Variants in DLGAP4 observed in about 807,000 individuals in gnomAD.
DLGAP4 encodes DLG associated protein 4.
A neutral mutation model predicts 86.9 loss-of-function variants in DLGAP4; 18 were observed. That is an observed-to-expected ratio of 0.21 (90% CI 0.14 to 0.31). The LOEUF (loss-of-function observed/expected upper bound fraction) is 0.31, where lower values mean the gene tolerates loss of function less well. DLGAP4 is among the 10% of genes least tolerant of loss of function. DLGAP4 has a pLI of 1.00. For missense variants in DLGAP4, 1,085 were observed against 1,362.6 expected, an observed-to-expected ratio of 0.80 and a Z score of 3.21; for synonymous variants, 548 against 574.3, an observed-to-expected ratio of 0.95 and a Z score of 0.65.
At chr20:36,443,509 G>A (rs6090910) in intron 6 of DLGAP4, among the ~76,000 whole-genome samples, 1,633 of 152,240 alleles carry the variant, frequency 0.011, 30 homozygotes, top group African/African-American at 0.038. Context: ...GATTCCAGCC[G>A]TGGATGCCCC....
intron 10 of DLGAP4, among the ~76,000 whole-genome samples, chr20:36,505,112 T>C (rs1341523797): frequency 6.6e-6 from 1 of 152,148 alleles, no homozygotes; most frequent in Admixed American, 6.5e-5. Flanking sequence ...CTCAGCCTCC[T>C]GAGTAGCTGG....
At chr20:36,356,126 G>C (rs1482903514) in intron 1 of DLGAP4, among the ~76,000 whole-genome samples, 1 of 152,250 alleles carries the variant, frequency 6.6e-6, no homozygotes, top group Non-Finnish European at 1.5e-5. Context: ...CAGACACCCT[G>C]TGTGCATTAG....
chr20:36,339,627 C>T (rs372132606), intron 1 of DLGAP4, among the ~76,000 whole-genome samples: 1 of 152,250 alleles, frequency 6.6e-6, no homozygotes, highest in South Asian at 2.1e-4. Flanking sequence ...GGACTGCAGG[C>T]CTGAGCCATG....
intron 7 of DLGAP4, among the ~76,000 whole-genome samples, chr20:36,460,629 A>G (rs1184295798): frequency 2.3e-4 from 35 of 152,230 alleles, no homozygotes; most frequent in Non-Finnish European, 2.9e-5. Flanking sequence ...TGGCAGACCT[A>G]CCACAGGTGC....
At chr20:36,478,320 C>T (rs567427730) in intron 7 of DLGAP4, among the ~76,000 whole-genome samples, 1 of 152,218 alleles carries the variant, frequency 6.6e-6, no homozygotes, top group African/African-American at 2.4e-5. Context: ...GAATCTGTGC[C>T]CTCCCTAATC....
chr20:36,417,129 A>G (rs987291446), intron 2 of DLGAP4, among the ~76,000 whole-genome samples: 4 of 152,086 alleles, frequency 2.6e-5, no homozygotes, highest in Non-Finnish European at 5.9e-5. Context: ...GTGTTGAGAG[A>G]ACGCAGTGGG....
chr20:36,312,231 G>A (rs1427068330), intron 1 of DLGAP4, among the ~76,000 whole-genome samples: 2 of 152,338 alleles, frequency 1.3e-5, no homozygotes, highest in East Asian at 1.9e-4. Flanking sequence ...CACGGGGCAC[G>A]TGGAGTGATA....
At chr20:36,310,226 AAGAAAGAAAGAAAGAAAAGAAAAG>A (rs2065042132) in intron 1 of DLGAP4, among the ~76,000 whole-genome samples, 2 of 46,908 alleles carry the variant, frequency 4.3e-5, no homozygotes, top group African/African-American at 1.2e-4. Flanking sequence ...GAAAGAAAGA[AAGAAAGAAAGAAAGAAAAGAAAAG>A]AATTGCATGG....
intron 1 of DLGAP4, among the ~76,000 whole-genome samples, chr20:36,322,687 C>A (rs577480361): frequency 9.9e-5 from 15 of 152,222 alleles, no homozygotes; most frequent in African/African-American, 3.6e-4. Flanking sequence ...TCACATTAGT[C>A]CTGCTCATCT....
At chr20:36,518,076 TG>T (rs1355432573) in intron 10 of DLGAP4, among the ~76,000 whole-genome samples, 2 of 152,062 alleles carry the variant, frequency 1.3e-5, no homozygotes, top group Non-Finnish European at 2.9e-5. Flanking sequence ...AAAAATTAGC[TG>T]GGCATGATGG....
At chr20:36,360,456 CA>C (rs2030479233) in intron 1 of DLGAP4, among the ~76,000 whole-genome samples, 1 of 152,330 alleles carries the variant, frequency 6.6e-6, no homozygotes, top group East Asian at 1.9e-4. Context: ...TGGTCCCCTC[CA>C]GCCTCTGCAG....
rs550824752 is a variant in DLGAP4, at chr20:36,308,227, G to A, written c.-304+1715G>A. Reference sequence around the variant, plus strand: ...CAACTCAACTTCTGGGAGTGTGCCCGTGTGTGGTGTCCATGGCGACCCCGT... The same window carrying A: ...CAACTCAACTTCTGGGAGTGTGCCCATGTGTGGTGTCCATGGCGACCCCGT... On this transcript the variant is annotated intron_variant, in intron 1 of 12. Coordinates refer to ENST00000339266, the MANE Select transcript of DLGAP4 (RefSeq NM_001365621.2). This position sits in a 1 kb window ranked among gnomAD's most constrained non-coding sequence, Gnocchi z 4.5. Among the ~76,000 whole-genome samples, 3 of 152,328 alleles carry A rather than the reference G, an allele frequency of 2.0e-5. No homozygotes were observed. The highest frequency in any genetic ancestry group is 1.9e-4 in the East Asian group (1 of 5,178).
At position 36,500,701 on chromosome 20, in the gene DLGAP4, T is replaced by G. The variant is rs931672869; in HGVS notation, c.2512+90T>G. 2 of 1,288,478 alleles carry G rather than the reference T, an allele frequency of 1.6e-6. No homozygotes were observed. Among genetic ancestry groups the G allele is most frequent in the Non-Finnish European group, 2.0e-6 (2 of 981,170 alleles). 79.8% of individuals were successfully genotyped at this position (1,288,478 alleles called of 1,614,324 possible). A position where few individuals can be genotyped will look rare whatever the true frequency, so the allele number is the denominator to read the frequency against. ...GGCCAGCAGCTTCCGAACTTCTGAG[T>G]GGGGGTCTCTTAGGTTCTCTTCTTG... On this transcript the variant is annotated intron_variant, in intron 10 of 12. Coordinates refer to ENST00000339266, the MANE Select transcript of DLGAP4 (RefSeq NM_001365621.2). This position sits in a 1 kb window ranked among gnomAD's most constrained non-coding sequence, Gnocchi z 4.6.
chr20:36,408,094 C>T (rs973226617), intron 2 of DLGAP4, among the ~76,000 whole-genome samples: 2 of 151,662 alleles, frequency 1.3e-5, no homozygotes, highest in Non-Finnish European at 2.9e-5. Context: ...GAAGGAGACA[C>T]GGGGATCTGG....
At chr20:36,327,936 C>T (rs539818366) in intron 1 of DLGAP4, among the ~76,000 whole-genome samples, 47 of 149,972 alleles carry the variant, frequency 3.1e-4, no homozygotes, top group Admixed American at 1.4e-3. Context: ...CAGTGGCTCA[C>T]GCCTGTAATC....
At chr20:36,385,626 G>A (rs2031568074) in intron 2 of DLGAP4, among the ~76,000 whole-genome samples, 1 of 152,204 alleles carries the variant, frequency 6.6e-6, no homozygotes, top group Non-Finnish European at 1.5e-5. Flanking sequence ...CCAGAGCCAA[G>A]CATCCTTGTG....
At chr20:36,315,291 G>A (rs2065088433) in intron 1 of DLGAP4, among the ~76,000 whole-genome samples, 1 of 151,954 alleles carries the variant, frequency 6.6e-6, no homozygotes, top group South Asian at 2.1e-4. Flanking sequence ...GAGCTAAGAG[G>A]AGACCGTAGC....
At chr20:36,496,555 T>C (rs1189905553) in intron 7 of DLGAP4, 150 bp from the exon 8 acceptor site, 2 of 1,309,962 alleles carry the variant, frequency 1.5e-6, no homozygotes, top group Non-Finnish European at 2.0e-6. Flanking sequence ...TTGACCCTCG[T>C]TCTCCCTGCT....
intron 7 of DLGAP4, among the ~76,000 whole-genome samples, chr20:36,459,736 T>G (rs1467916581): frequency 1.3e-5 from 2 of 152,254 alleles, no homozygotes; most frequent in Non-Finnish European, 2.9e-5. Flanking sequence ...GCCTCTCAAG[T>G]AGCTGAGATT....
Sources: allele counts gnomAD v4.1 joint callset (sites outside exome capture counted in the v4.1 genomes callset), GRCh38; gene constraint gnomAD v4.1.1; non-coding constraint Gnocchi (gnomAD v3.1); transcripts MANE v1.5; gene names NCBI Gene and HGNC (gene_info 2026-07-23, HGNC 2026-07-21).